Variants in TBX5 observed in about 807,000 individuals in gnomAD.
TBX5 encodes the protein T-box transcription factor TBX5.
Under a neutral mutation model 51.1 loss-of-function variants are expected in TBX5, and 8 were observed. That is an observed-to-expected ratio of 0.16 (90% CI 0.09 to 0.28). The LOEUF is 0.28. Ranked by LOEUF, TBX5 falls within the 10% of genes least tolerant of loss-of-function variation. The pLI is 1.00. For synonymous variants in TBX5, 302 were observed against 266.4 expected, an observed-to-expected ratio of 1.13 and a Z score of -1.30; for missense variants, 589 against 671.7, an observed-to-expected ratio of 0.88 and a Z score of 1.36.
intron 8 of TBX5, among the ~76,000 whole-genome samples, chr12:114,360,606 A>C (rs1018157159): frequency 7.0e-6 from 1 of 142,716 alleles, no homozygotes; most frequent in Non-Finnish European, 1.5e-5. Context: ...ATAAGTGGAT[A>C]GGTGGGGTGA....
At chr12:114,404,267 G>A (rs1872048733) in intron 1 of TBX5, among the ~76,000 whole-genome samples, 1 of 152,230 alleles carries the variant, frequency 6.6e-6, no homozygotes, top group Admixed American at 6.5e-5. Context: ...TGGACTTCTG[G>A]AAGAGCCAAT....
intron 7 of TBX5, among the ~76,000 whole-genome samples, chr12:114,376,763 T>C (rs550724180): frequency 6.6e-6 from 1 of 152,170 alleles, no homozygotes; most frequent in South Asian, 2.1e-4. Context: ...TTTACGTATA[T>C]TAAACTATTA....
chr12:114,407,385 A>G (rs1206358842), upstream of TBX5, among the ~76,000 whole-genome samples: 1 of 152,236 alleles, frequency 6.6e-6, no homozygotes, highest in Non-Finnish European at 1.5e-5. Context: ...CGAAGACACG[A>G]AAAACAAACA....
At chr12:114,398,493 GA>G in intron 5 of TBX5, 79 bp downstream of exon 5, 1 of 1,556,998 alleles carries the variant, frequency 6.4e-7, no homozygotes, top group Non-Finnish European at 8.7e-7. Flanking sequence ...ACAGAGCCAA[GA>G]AGGGAGAGAA....
intron 7 of TBX5, among the ~76,000 whole-genome samples, chr12:114,377,342 TAGA>T (rs1870248808): frequency 6.6e-6 from 1 of 152,152 alleles, no homozygotes; most frequent in African/African-American, 2.4e-5. Flanking sequence ...AAGGTTCAAA[TAGA>T]AGAATTTTAA....
chr12:114,372,054 G>A (rs1348167400), intron 7 of TBX5, among the ~76,000 whole-genome samples: 1 of 152,178 alleles, frequency 6.6e-6, no homozygotes, highest in Non-Finnish European at 1.5e-5. Context: ...TGTACAACCT[G>A]GGCGTGGACA....
intron 7 of TBX5, 140 bp from the exon 8 acceptor site, chr12:114,366,531 C>T: frequency 2.5e-6 from 2 of 804,650 alleles, no homozygotes; most frequent in Admixed American, 4.2e-5. Flanking sequence ...ATAAAATGAT[C>T]CAGTTATATT....
At chr12:114,372,977 T>TAC (rs1491039438) in intron 7 of TBX5, among the ~76,000 whole-genome samples, 16 of 103,684 alleles carry the variant, frequency 1.5e-4, no homozygotes, top group Admixed American at 7.0e-4. Context: ...CGAATATATA[T>TAC]ACATACACAC....
intron 6 of TBX5, among the ~76,000 whole-genome samples, chr12:114,394,458 T>C (rs2136410196): frequency 6.6e-6 from 1 of 152,300 alleles, no homozygotes; most frequent in East Asian, 1.9e-4. Context: ...TGGGATGCCT[T>C]CTTGTGGTAT....
Position 114,403,956 on chromosome 12 carries a change from G to A in TBX5, c.-38-20C>T. 1.9e-6 allele frequency: 3 copies of A among 1,591,964 alleles called. No individual in the cohort carries two copies. Among genetic ancestry groups the A allele is most frequent in the East Asian group, 2.2e-5 (1 of 44,644 alleles). On this transcript the variant is annotated intron_variant, in intron 1 of 8. Coordinates refer to ENST00000405440, the MANE Select transcript of TBX5 (RefSeq NM_181486.4). ...TCTGCTCTGAGGACAAGAAGCAGGG[G>A]GAGATGGGGGTGGGGAGGACAGAGA...
chr12:114,358,907 A>G (rs757646729), intron 8 of TBX5, among the ~76,000 whole-genome samples: 2 of 151,996 alleles, frequency 1.3e-5, no homozygotes, highest in Non-Finnish European at 1.5e-5. Flanking sequence ...CCCCAGATTC[A>G]TAAACCTGAG....
intron 8 of TBX5, among the ~76,000 whole-genome samples, chr12:114,356,596 T>G (rs1463703808): frequency 6.6e-6 from 1 of 152,180 alleles, no homozygotes; most frequent in Non-Finnish European, 1.5e-5. Flanking sequence ...TATTATTATC[T>G]TTCCTCTTCT....
At position 114,403,934 on chromosome 12, in the gene TBX5, G is replaced by T; in HGVS notation, c.-36C>A. 1 of 1,604,654 alleles carries T rather than the reference G, an allele frequency of 6.2e-7. No individual in the cohort carries two copies. Among genetic ancestry groups the T allele is most frequent in the Non-Finnish European group, 8.5e-7 (1 of 1,179,242 alleles). On this transcript the variant is annotated splice_region_variant and 5_prime_UTR_variant, in exon 2 of 9. Coordinates refer to ENST00000405440, the MANE Select transcript of TBX5 (RefSeq NM_181486.4). ...GGGCCCTGTGCCCGCGCAAGGTTCT[G>T]CTCTGAGGACAAGAAGCAGGGGGAG... is the stretch of plus-strand genomic sequence containing the variant.
intron 7 of TBX5, among the ~76,000 whole-genome samples, chr12:114,372,604 C>CT (rs1365541527): frequency 3.3e-5 from 5 of 151,970 alleles, no homozygotes; most frequent in Non-Finnish European, 7.4e-5. Context: ...CCTTATAAGG[C>CT]CTAAATTTCC....
upstream of TBX5, chr12:114,407,718 A>G: frequency 1.0e-6 from 1 of 965,040 alleles, no homozygotes; most frequent in Non-Finnish European, 1.2e-6. Context: ...ACAGCAAGAG[A>G]AGATTCAGCA....
chr12:114,379,577 C>T (rs1205732239), intron 7 of TBX5, among the ~76,000 whole-genome samples: 1 of 152,186 alleles, frequency 6.6e-6, no homozygotes, highest in Non-Finnish European at 1.5e-5. Flanking sequence ...ATAATCAGTA[C>T]ACACACGTTA....
intron 5 of TBX5, among the ~76,000 whole-genome samples, chr12:114,395,422 C>A (rs1871363658): frequency 6.6e-6 from 1 of 152,148 alleles, no homozygotes; most frequent in Non-Finnish European, 1.5e-5. Flanking sequence ...TCTGCACAGC[C>A]TTTTTCTGAG....
At chr12:114,371,069 T>C (rs1869875829) in intron 7 of TBX5, among the ~76,000 whole-genome samples, 1 of 152,210 alleles carries the variant, frequency 6.6e-6, no homozygotes, top group African/African-American at 2.4e-5. Flanking sequence ...CCATACCAAC[T>C]ACTTGGCAAA....
chr12:114,398,449 A>G (rs1012580737), intron 5 of TBX5, 124 bp downstream of exon 5: 18 of 1,383,824 alleles, frequency 1.3e-5, no homozygotes, highest in Admixed American at 2.0e-5. Flanking sequence ...AAAGTGGGGG[A>G]AAATGGAGGA....
Sources: allele counts gnomAD v4.1 joint callset (sites outside exome capture counted in the v4.1 genomes callset), GRCh38; gene constraint gnomAD v4.1.1; transcripts MANE v1.5; gene names NCBI Gene and HGNC (gene_info 2026-07-23, HGNC 2026-07-21).